The following GRIK1 variants were observed in gnomAD, a reference collection of about 807,000 sequenced individuals.
The protein encoded by GRIK1 is glutamate receptor ionotropic, kainate 1.
A neutral mutation model predicts 105.7 loss-of-function variants in GRIK1; 69 were observed. The observed-to-expected ratio is 0.65, with a 90% confidence interval of 0.54 to 0.80. The LOEUF (loss-of-function observed/expected upper bound fraction) is 0.80. GRIK1 is among the 30% of genes least tolerant of loss of function. GRIK1 has a pLI of 0.00. For missense variants in GRIK1, 1,109 were observed against 1,167.3 expected (o/e 0.95, Z 0.73); for synonymous variants, 438 against 431.3 (o/e 1.02, Z -0.19).
chr21:29,617,881 T>C (rs2061888846), intron 7 of GRIK1, among the ~76,000 whole-genome samples: 1 of 152,226 alleles, frequency 6.6e-6, no homozygotes, highest in Non-Finnish European at 1.5e-5. Flanking sequence ...TTAGAATATG[T>C]TTATTTAAAG....
intron 1 of GRIK1, among the ~76,000 whole-genome samples, chr21:29,739,587 C>T (rs563848637): frequency 6.6e-6 from 1 of 152,164 alleles, no homozygotes; most frequent in Non-Finnish European, 1.5e-5. Flanking sequence ...AAAGGAACAT[C>T]GTGCATTCAT....
intron 16 of GRIK1, among the ~76,000 whole-genome samples, chr21:29,551,307 C>T (rs2090130621): frequency 6.6e-6 from 1 of 152,120 alleles, no homozygotes; most frequent in Non-Finnish European, 1.5e-5. Flanking sequence ...TTGAAAAACA[C>T]CCCTACAAAA....
Position 29,651,209 on chromosome 21 carries a change from G to C in GRIK1, c.863C>G (p.Pro288Arg), listed in dbSNP as rs759174013. 1.2e-6 allele frequency: 2 copies of C among 1,613,316 alleles called. No individual in the cohort carries two copies. Among genetic ancestry groups the C allele is most frequent in the South Asian group, 1.1e-5 (1 of 91,060 alleles). ...CTTCTCAATGATGGATGACACGTGA[G>C]GGTTGTCAATGTTAAGCAGCCGAAA... is the stretch of plus-strand genomic sequence containing the variant. Reference protein sequence around the residue: ...TGFRLLNIDNPHVSSIIEKWS... With the variant: ...TGFRLLNIDNRHVSSIIEKWS... The change falls in exon 6 of 18, where the codon CCT becomes CGT. Residue 288 changes from proline (P) to arginine (R), a missense_variant. Physicochemically the swap from Pro to Arg is moderately radical, Grantham distance 103. Around this residue, in one of 5 missense-constraint regions of GRIK1, gnomAD observed 612 missense variants for 586.0 expected, o/e 1.04. Transcript: ENST00000327783.
intron 4 of GRIK1, among the ~76,000 whole-genome samples, chr21:29,656,326 A>G: frequency 7.8e-6 from 1 of 128,240 alleles, no homozygotes; most frequent in African/African-American, 2.9e-5. Flanking sequence ...GCGCCACTGC[A>G]CTCCAGCCTG....
At chr21:29,733,758 G>T (rs2064699386) in intron 1 of GRIK1, among the ~76,000 whole-genome samples, 1 of 152,010 alleles carries the variant, frequency 6.6e-6, no homozygotes, top group South Asian at 2.1e-4. Context: ...TATAGATGTA[G>T]ATTTACAAGG....
In GRIK1 at chr21:29,673,029, A is replaced by G. The variant is rs1463409726; in HGVS notation, c.680T>C (p.Val227Ala). 6.2e-7 allele frequency: 1 copy of G among 1,613,616 alleles called. No homozygotes were observed. Among genetic ancestry groups the G allele is most frequent in the Non-Finnish European group, 8.5e-7 (1 of 1,179,602 alleles). Residue 227 changes from valine to alanine, a missense_variant, in exon 4 of 18, where the codon GTG becomes GCG. By Grantham distance (64) the Val-to-Ala change is moderately conservative. This residue lies in a region of GRIK1 where 612 missense variants were observed against 586.0 expected (regional missense o/e 1.04). Transcript: ENST00000327783. ...KEMKKGKEFY[V>A]IFDCSHETAA... ...TGTTTCATGTGAACAATCAAATATC[A>G]CATAGAACTCCTTGCCTTTCTTCAT...
chr21:29,818,374 T>A (rs1427013189), intron 1 of GRIK1, among the ~76,000 whole-genome samples: 1 of 152,116 alleles, frequency 6.6e-6, no homozygotes, highest in Non-Finnish European at 1.5e-5. Context: ...GCCAGATTTT[T>A]AGTCTAACTC....
At chr21:29,644,617 C>T (rs112837349) in intron 6 of GRIK1, among the ~76,000 whole-genome samples, 72 of 152,196 alleles carry the variant, frequency 4.7e-4, no homozygotes, top group African/African-American at 1.6e-3. Flanking sequence ...TTACACTATC[C>T]ACTTTGTAGA....
At chr21:29,917,621 A>G (rs1019374954) in intron 1 of GRIK1, among the ~76,000 whole-genome samples, 1 of 151,948 alleles carries the variant, frequency 6.6e-6, no homozygotes, top group Non-Finnish European at 1.5e-5. Context: ...ATAAAACCCT[A>G]TTGGTCTGTC....
At chr21:29,824,446 T>C (rs2067390166) in intron 1 of GRIK1, among the ~76,000 whole-genome samples, 1 of 151,842 alleles carries the variant, frequency 6.6e-6, no homozygotes, top group African/African-American at 2.4e-5. Flanking sequence ...AAGTTAAACA[T>C]ATAAAAAAAG....
chr21:29,578,250 A>G (rs2090941337), intron 13 of GRIK1, among the ~76,000 whole-genome samples: 1 of 152,192 alleles, frequency 6.6e-6, no homozygotes, highest in African/African-American at 2.4e-5. Context: ...TAAAAAGTGA[A>G]AGAAAAACAC....
intron 7 of GRIK1, among the ~76,000 whole-genome samples, chr21:29,620,812 T>TATAGATAGATAGATAGATAG (rs1555851220): frequency 1.7e-5 from 2 of 117,498 alleles, no homozygotes; most frequent in Admixed American, 8.3e-5. Context: ...TATAGATATA[T>TATAGATAGATAGATAGATAG]ATATATAGTA....
chr21:29,722,546 A>G (rs1211743233), intron 1 of GRIK1, among the ~76,000 whole-genome samples: 1 of 150,482 alleles, frequency 6.6e-6, no homozygotes, highest in Non-Finnish European at 1.5e-5. Flanking sequence ...ACTGAGAGAG[A>G]CTCTGTCTCA....
At chr21:29,738,373 G>T (rs2064848681) in intron 1 of GRIK1, among the ~76,000 whole-genome samples, 1 of 152,142 alleles carries the variant, frequency 6.6e-6, no homozygotes, top group African/African-American at 2.4e-5. Context: ...ACATTCAGAA[G>T]AAGCAAACAG....
At chr21:29,773,408 C>T (rs998037521) in intron 1 of GRIK1, among the ~76,000 whole-genome samples, 6 of 152,234 alleles carry the variant, frequency 3.9e-5, no homozygotes, top group South Asian at 4.1e-4. Flanking sequence ...GTTAGGTAAT[C>T]GGCATCCACC....
At chr21:29,582,694 A>C (rs938410871) in intron 12 of GRIK1, among the ~76,000 whole-genome samples, 6 of 152,196 alleles carry the variant, frequency 3.9e-5, no homozygotes, top group Admixed American at 1.3e-4. Flanking sequence ...TTTTCCAAAA[A>C]GACATTAGCA....
chr21:29,708,900 A>G (rs1287377419), intron 1 of GRIK1, among the ~76,000 whole-genome samples: 1 of 152,204 alleles, frequency 6.6e-6, no homozygotes, highest in Middle Eastern at 3.2e-3. Flanking sequence ...TGCCCACATA[A>G]TTGATAAATA....
chr21:29,898,678 T>G (rs2070269434), intron 1 of GRIK1, among the ~76,000 whole-genome samples: 1 of 152,222 alleles, frequency 6.6e-6, no homozygotes, highest in Admixed American at 6.5e-5. Context: ...TTAATAGTTC[T>G]TTAATATAGT....
At chr21:29,872,869 G>A (rs2069068580) in intron 1 of GRIK1, among the ~76,000 whole-genome samples, 1 of 152,138 alleles carries the variant, frequency 6.6e-6, no homozygotes, top group African/African-American at 2.4e-5. Context: ...GATTACAGGA[G>A]CTACAATTTG....
Sources: allele counts gnomAD v4.1 joint callset (sites outside exome capture counted in the v4.1 genomes callset), GRCh38; gene constraint gnomAD v4.1.1; regional missense constraint gnomAD v4.1.1; transcripts MANE v1.5; gene names NCBI Gene and HGNC (gene_info 2026-07-23, HGNC 2026-07-21).